CHRDL1: variants seen among roughly 807,000 people sequenced by gnomAD.
The protein encoded by CHRDL1 is chordin like 1.
Under a neutral mutation model 40.9 loss-of-function variants are expected in CHRDL1, and 19 were observed. The ratio of observed to expected loss-of-function variants is 0.46; its 90% CI spans 0.32 to 0.68. CHRDL1 has a LOEUF of 0.68. Ranked by LOEUF, CHRDL1 falls within the 30% of genes least tolerant of loss-of-function variation. CHRDL1 has a pLI of 0.03. For missense variants in CHRDL1, 329 were observed against 352.1 expected (o/e 0.93, Z 0.53); for synonymous variants, 136 against 123.4 (o/e 1.10, Z -0.68).
rs1358571658 is a variant in CHRDL1 at position 110,689,691 on chromosome X, CTATATATCTA to C, written c.779-898_779-889del. On this transcript the variant is annotated intron_variant, in intron 8 of 11. Coordinates refer to ENST00000372042, the MANE Select transcript of CHRDL1 (RefSeq NM_001143981.2). ...TCTATATATCTATATATCTATATAT[CTATATATCTA>C]TATATCTATATATATATCTATATAT... is the stretch of plus-strand genomic sequence containing the variant. Among the ~76,000 whole-genome samples the C allele has an allele frequency of 1.0e-4, 3 of 28,841 alleles. No individual in the cohort carries two copies. In the East Asian group the frequency reaches 1.5e-3, roughly 14 times the overall value. The allele number at this position is 28,841 out of a possible 115,157, so 25.0% of individuals were successfully genotyped here.
rs1490559383 is a variant in CHRDL1 at position 110,721,380 on chromosome X, C to T, written c.447+5G>A. 2.5e-6 allele frequency: 3 copies of T among 1,208,561 alleles called. No individual in the cohort carries two copies. Among genetic ancestry groups the T allele is most frequent in the Non-Finnish European group, 2.2e-6 (2 of 893,472 alleles). On this transcript the variant is annotated splice_donor_5th_base_variant and intron_variant, in intron 5 of 11. Coordinates refer to ENST00000372042, the MANE Select transcript of CHRDL1 (RefSeq NM_001143981.2). The stretch of plus-strand genomic sequence containing the variant: ...TAGCAGGAATGTTAAGATGTAGGGT[C>T]TTACCGAACAGCTGCACTGGGTGCA...
In CHRDL1 at chrX:110,688,806, G is replaced by A; in HGVS notation, c.779-3C>T. 1 of 1,183,774 alleles carries A rather than the reference G, an allele frequency of 8.4e-7. No individual in the cohort carries two copies. Among genetic ancestry groups the A allele is most frequent in the Non-Finnish European group, 1.1e-6 (1 of 871,967 alleles). On this transcript the variant is annotated splice_region_variant and splice_polypyrimidine_tract_variant and intron_variant, in intron 8 of 11. Coordinates refer to ENST00000372042, the MANE Select transcript of CHRDL1 (RefSeq NM_001143981.2). ...GGTCTTTCCATTGGAAACACACACT[G>A]AAAGAGAATGCAGAATTAGCAATTA...
chrX:110,778,474 G>C (rs775480520), intron 2 of CHRDL1, among the ~76,000 whole-genome samples: 190 of 111,585 alleles, frequency 1.7e-3, no homozygotes, highest in Non-Finnish European at 3.0e-4. Context: ...CAAAAGACAC[G>C]CATGTAGTCA....
At chrX:110,749,905 T>A (rs919996048) in intron 4 of CHRDL1, among the ~76,000 whole-genome samples, 1 of 112,185 alleles carries the variant, frequency 8.9e-6, no homozygotes, top group Non-Finnish European at 1.9e-5. Context: ...TGGTTTTAAA[T>A]TAACAACACT....
intron 4 of CHRDL1, among the ~76,000 whole-genome samples, chrX:110,732,773 T>G (rs2148478314): frequency 9.3e-6 from 1 of 107,382 alleles, no homozygotes; most frequent in African/African-American, 3.4e-5. Context: ...GATTTGGGGG[T>G]TTTTTGGGGG....
intron 2 of CHRDL1, among the ~76,000 whole-genome samples, chrX:110,784,453 C>T (rs184947624): frequency 4.9e-4 from 54 of 111,235 alleles, no homozygotes; most frequent in African/African-American, 1.8e-3. Flanking sequence ...GCTCTGTCAC[C>T]CAGGCTGGAG....
chrX:110,793,832 T>C (rs772457868), intron 1 of CHRDL1, among the ~76,000 whole-genome samples: 3 of 112,030 alleles, frequency 2.7e-5, no homozygotes, highest in South Asian at 7.5e-4. Flanking sequence ...CGGTGAACTG[T>C]AGCATTGCTT....
At position 110,732,388 on chromosome X, in the gene CHRDL1, A is replaced by G. The variant is rs1309933557; in HGVS notation, c.302-10858T>C. 2.7e-5 allele frequency among the ~76,000 whole-genome samples: 3 copies of G among 111,851 alleles called. No individual in the cohort carries two copies. In the East Asian group the frequency reaches 8.4e-4, roughly 31 times the overall value. On this transcript the variant is annotated intron_variant, in intron 4 of 11. Transcript: ENST00000372042. Reference sequence around the variant, plus strand: ...CCAACCCCCAGTGAGGTCCCAGGCCAGGAAATTCTTGTAGCAGATTCAACA... The same window carrying G: ...CCAACCCCCAGTGAGGTCCCAGGCCGGGAAATTCTTGTAGCAGATTCAACA...
At chrX:110,768,292 T>A (rs1402854748) in intron 2 of CHRDL1, among the ~76,000 whole-genome samples, 1 of 112,070 alleles carries the variant, frequency 8.9e-6, no homozygotes, top group Non-Finnish European at 1.9e-5. Flanking sequence ...AGAACTAAAA[T>A]TTTTATACAA....
chrX:110,785,424 G>A (rs1033113255), intron 2 of CHRDL1, among the ~76,000 whole-genome samples: 1 of 111,823 alleles, frequency 8.9e-6, no homozygotes, highest in Non-Finnish European at 1.9e-5. Context: ...AAAGGTGGGA[G>A]GGTAGAAGAA....
intron 7 of CHRDL1, among the ~76,000 whole-genome samples, chrX:110,699,965 CT>C (rs2070478550): frequency 8.9e-6 from 1 of 112,549 alleles, no homozygotes; most frequent in Admixed American, 9.4e-5. Context: ...ATGATAGATT[CT>C]TTGAATCGGA....
rs758097077 is a variant in CHRDL1 at position 110,674,953 on chromosome X, G to A, written c.*1278C>T. On this transcript the variant is annotated 3_prime_UTR_variant, in exon 12 of 12. Transcript: ENST00000372042. Reference sequence around the variant, plus strand: ...GACATTTTAGGAGCAGCCTTCTCTGGAATTCTTGACTAAAATATCTGCTTG... The same window carrying A: ...GACATTTTAGGAGCAGCCTTCTCTGAAATTCTTGACTAAAATATCTGCTTG... 8.9e-6 allele frequency: 1 copy of A among 112,080 alleles called. No homozygotes were observed. The highest frequency in any genetic ancestry group is 2.8e-4 in the East Asian group (1 of 3,554). 9.2% of individuals were successfully genotyped at this position (112,080 alleles called of 1,213,427 possible).
chrX:110,732,322 C>T (rs1398598402), intron 4 of CHRDL1, among the ~76,000 whole-genome samples: 3 of 111,180 alleles, frequency 2.7e-5, no homozygotes, highest in Non-Finnish European at 5.7e-5. Context: ...TGGGACCACA[C>T]CTTCAACAAG....
chrX:110,693,722 T>A (rs1191907948), intron 8 of CHRDL1, among the ~76,000 whole-genome samples: 2 of 110,986 alleles, frequency 1.8e-5, no homozygotes, highest in African/African-American at 6.6e-5. Flanking sequence ...GGAATATGTA[T>A]CTTTAACGAG....
chrX:110,771,689 A>G (rs2089762559), intron 2 of CHRDL1, among the ~76,000 whole-genome samples: 1 of 111,633 alleles, frequency 9.0e-6, no homozygotes, highest in Non-Finnish European at 1.9e-5. Flanking sequence ...AACCTGATAA[A>G]GGGCATCTAC....
intron 6 of CHRDL1, among the ~76,000 whole-genome samples, chrX:110,703,059 C>T (rs1171189114): frequency 1.8e-5 from 2 of 112,035 alleles, no homozygotes; most frequent in Non-Finnish European, 3.8e-5. Flanking sequence ...CTCTGTATCT[C>T]CTAGACCACT....
intron 4 of CHRDL1, among the ~76,000 whole-genome samples, chrX:110,744,835 A>G (rs2071421221): frequency 9.0e-6 from 1 of 110,602 alleles, no homozygotes; most frequent in Admixed American, 9.7e-5. Flanking sequence ...AATACCTTGC[A>G]TTTATTGAGG....
At chrX:110,689,765 A>ATATATCTATATATCTC (rs1569462203) in intron 8 of CHRDL1, among the ~76,000 whole-genome samples, 2 of 16,773 alleles carry the variant, frequency 1.2e-4, no homozygotes, top group East Asian at 8.9e-4. Flanking sequence ...CTATATATCT[A>ATATATCTATATATCTC]TATATATCTA....
intron 2 of CHRDL1, among the ~76,000 whole-genome samples, chrX:110,778,197 A>G (rs1429681642): frequency 8.9e-6 from 1 of 111,879 alleles, no homozygotes; most frequent in Non-Finnish European, 1.9e-5. Flanking sequence ...GGAACTGGCA[A>G]AGATTTCATT....
Sources: gnomAD v4.1 joint callset for allele counts (sites outside exome capture counted in the v4.1 genomes callset) on GRCh38, gnomAD v4.1.1 for gene constraint, MANE v1.5 for transcripts, NCBI Gene and HGNC (gene_info 2026-07-23, HGNC 2026-07-21) for gene names.